NUAK1: variants seen among roughly 807,000 people sequenced by gnomAD.
NUAK1 encodes NUAK family kinase 1.
Under a neutral mutation model 56.9 loss-of-function variants are expected in NUAK1, and 26 were observed. That is an observed-to-expected ratio of 0.46 (90% CI 0.33 to 0.63). The LOEUF is 0.63. Among genes scored for constraint, NUAK1 ranks in the 30% least tolerant of loss-of-function variants. NUAK1 has a pLI of 0.02. For missense variants in NUAK1, 727 were observed against 876.1 expected, an observed-to-expected ratio of 0.83 and a Z score of 2.15; for synonymous variants, 337 against 336.0, an observed-to-expected ratio of 1.00 and a Z score of -0.03.
intron 6 of NUAK1, among the ~76,000 whole-genome samples, chr12:106,069,325 C>G (rs1401974854): frequency 6.6e-6 from 1 of 152,194 alleles, no homozygotes; most frequent in African/African-American, 2.4e-5. Context: ...AGTTCTCATA[C>G]TATTATACAA....
Position 106,066,648 on chromosome 12 carries a change from G to A in NUAK1, c.*154C>T. ...AAGAGCCCACCTCTCCCTTTTAGGTGTTGGCTCAAGGCTGCAAACTTGGCC... is the reference window on the plus strand; with the variant it reads ...AAGAGCCCACCTCTCCCTTTTAGGTATTGGCTCAAGGCTGCAAACTTGGCC... On this transcript the variant is annotated 3_prime_UTR_variant, in exon 7 of 7. Transcript: ENST00000261402. The A allele has an allele frequency of 2.9e-6, 2 of 694,560 alleles. No individual in the cohort carries two copies. The highest frequency in any genetic ancestry group is 2.5e-6 in the Non-Finnish European group (1 of 401,650). 43.0% of individuals were successfully genotyped at this position (694,560 alleles called of 1,614,324 possible).
chr12:106,078,436 C>T (rs1400935088), intron 4 of NUAK1, among the ~76,000 whole-genome samples: 1 of 152,176 alleles, frequency 6.6e-6, no homozygotes, highest in Non-Finnish European at 1.5e-5. Flanking sequence ...TGAACAGCTG[C>T]CTTAGCTGTA....
At chr12:106,112,286 C>A (rs1194514610) in intron 1 of NUAK1, among the ~76,000 whole-genome samples, 1 of 152,058 alleles carries the variant, frequency 6.6e-6, no homozygotes, top group African/African-American at 2.4e-5. Flanking sequence ...GGCACGAAGT[C>A]AGAGGCAGCT....
chr12:106,121,741 C>A (rs545388414), intron 1 of NUAK1, among the ~76,000 whole-genome samples: 22 of 151,898 alleles, frequency 1.4e-4, no homozygotes, highest in Non-Finnish European at 3.2e-4. Flanking sequence ...CAGAGCGAGA[C>A]CCTGTCTCGG....
At chr12:106,101,146 C>T (rs2032743073) in intron 2 of NUAK1, among the ~76,000 whole-genome samples, 1 of 152,182 alleles carries the variant, frequency 6.6e-6, no homozygotes, top group African/African-American at 2.4e-5. Context: ...TCCTTGCCCC[C>T]ACCACGCCCC....
At chr12:106,095,567 T>G (rs1416236756) in intron 2 of NUAK1, among the ~76,000 whole-genome samples, 1 of 152,210 alleles carries the variant, frequency 6.6e-6, no homozygotes, top group Admixed American at 6.5e-5. Flanking sequence ...TACGTCTCAC[T>G]GTGAATATTA....
intron 2 of NUAK1, among the ~76,000 whole-genome samples, chr12:106,087,592 G>A (rs1316694596): frequency 1.3e-5 from 2 of 152,172 alleles, no homozygotes; most frequent in Non-Finnish European, 2.9e-5. Flanking sequence ...CTACATAAAG[G>A]CATTTCTGAA....
intron 1 of NUAK1, among the ~76,000 whole-genome samples, chr12:106,121,293 A>G (rs1467100714): frequency 6.6e-6 from 1 of 152,194 alleles, no homozygotes; most frequent in African/African-American, 2.4e-5. Context: ...AATGTATGTA[A>G]ACTGCATCAC....
chr12:106,071,449 G>A (rs892421870), intron 5 of NUAK1, among the ~76,000 whole-genome samples: 1 of 152,170 alleles, frequency 6.6e-6, no homozygotes, highest in Non-Finnish European at 1.5e-5. Context: ...GTTGGGGATG[G>A]AGACAAACTG....
chr12:106,066,396 C>G lies in NUAK1; in HGVS notation c.*406G>C. 5.6e-6 allele frequency: 1 copy of G among 178,182 alleles called. No individual in the cohort carries two copies. The highest frequency in any genetic ancestry group is 1.2e-5 in the Non-Finnish European group (1 of 83,152). 11.0% of individuals were successfully genotyped at this position (178,182 alleles called of 1,614,324 possible). On this transcript the variant is annotated 3_prime_UTR_variant, in exon 7 of 7. Transcript: ENST00000261402. ...CTTGCTAATACAAGGAGAAAAGGGG[C>G]AAGTTCTTTGGGCTCACCCAAGGCA... is the stretch of plus-strand genomic sequence containing the variant.
intron 1 of NUAK1, among the ~76,000 whole-genome samples, chr12:106,128,134 C>CT (rs1399268734): frequency 0.013 from 1,831 of 136,690 alleles, 27 homozygotes; most frequent in African/African-American, 0.029. Flanking sequence ...TTTTCTTTTT[C>CT]TTTTTTTTTT....
intron 1 of NUAK1, among the ~76,000 whole-genome samples, chr12:106,112,609 CA>C (rs1442898587): frequency 6.6e-6 from 1 of 152,208 alleles, no homozygotes; most frequent in African/African-American, 2.4e-5. Context: ...AACACCCCAG[CA>C]AGTTGCTGTG....
rs2032629047 is a variant in NUAK1 at position 106,090,971 on chromosome 12, T to C, written c.362-4086A>G. Among the ~76,000 whole-genome samples the C allele has an allele frequency of 3.3e-5, 5 of 152,254 alleles. No individual in the cohort carries two copies. The South Asian group carries it at 1.0e-3, about 32-fold the overall frequency. On this transcript the variant is annotated intron_variant, in intron 2 of 6. Transcript: ENST00000261402. ...TGTATAAGAGCAAGGCCTTGGGAATTAATACTGAAGAATGAGCAGCTTCCA... is the reference window on the plus strand; with the variant it reads ...TGTATAAGAGCAAGGCCTTGGGAATCAATACTGAAGAATGAGCAGCTTCCA...
chr12:106,083,485 A>C (rs1264224866), intron 4 of NUAK1, among the ~76,000 whole-genome samples: 5 of 152,116 alleles, frequency 3.3e-5, no homozygotes, highest in Non-Finnish European at 7.3e-5. Context: ...TACCTTGTAG[A>C]GTTGTTGTAA....
intron 1 of NUAK1, among the ~76,000 whole-genome samples, chr12:106,109,124 A>G (rs2032833431): frequency 6.6e-6 from 1 of 152,204 alleles, no homozygotes; most frequent in South Asian, 2.1e-4. Flanking sequence ...AATCACTCTC[A>G]TCTGTGCACC....
At chr12:106,121,683 G>A (rs370068097) in intron 1 of NUAK1, among the ~76,000 whole-genome samples, 1 of 152,112 alleles carries the variant, frequency 6.6e-6, no homozygotes, top group Non-Finnish European at 1.5e-5. Context: ...TCAGGAGGCA[G>A]AGGTTACAGT....
intron 1 of NUAK1, among the ~76,000 whole-genome samples, chr12:106,124,424 A>G (rs1171191067): frequency 6.6e-6 from 1 of 152,194 alleles, no homozygotes; most frequent in Non-Finnish European, 1.5e-5. Flanking sequence ...GCACATCAGC[A>G]ATATTAACTT....
Position 106,106,534 on chromosome 12 carries a change from T to C in NUAK1, c.241-9A>G, listed in dbSNP as rs2032803464. On this transcript the variant is annotated splice_polypyrimidine_tract_variant and intron_variant, in intron 1 of 6. Transcript: ENST00000261402. ...ATGGATTTTATAGCAACCTATAAAG[T>C]CAGGAAATGAAATGTTATTCAGAGA... The C allele has an allele frequency of 1.9e-6, 3 of 1,608,848 alleles. No individual in the cohort carries two copies. The highest frequency in any genetic ancestry group is 1.7e-6 in the Non-Finnish European group (2 of 1,178,236).
chr12:106,102,268 T>C (rs2032757452), intron 2 of NUAK1, among the ~76,000 whole-genome samples: 3 of 152,184 alleles, frequency 2.0e-5, no homozygotes, highest in African/African-American at 7.2e-5. Flanking sequence ...GAGAGTCTGA[T>C]GAAAGCTATG....
Sources: allele counts gnomAD v4.1 joint callset (sites outside exome capture counted in the v4.1 genomes callset), GRCh38; gene constraint gnomAD v4.1.1; transcripts MANE v1.5; gene names NCBI Gene and HGNC (gene_info 2026-07-23, HGNC 2026-07-21).